Variants in TMPRSS11E observed in about 807,000 individuals in gnomAD.
TMPRSS11E encodes the protein transmembrane serine protease 11E.
A neutral mutation model predicts 48.1 loss-of-function variants in TMPRSS11E; 38 were observed. That is an observed-to-expected ratio of 0.79 (90% CI 0.61 to 1.04). The LOEUF is 1.04. TMPRSS11E is among the 50% of genes least tolerant of loss of function. TMPRSS11E has a pLI of 0.00. For synonymous variants in TMPRSS11E, 158 were observed against 171.9 expected (o/e 0.92, Z 0.63); for missense variants, 530 against 510.8 (o/e 1.04, Z -0.36).
At chr4:68,461,738 A>T in intron 1 of TMPRSS11E, 83 bp from the exon 2 acceptor site, 1 of 1,592,018 alleles carries the variant, frequency 6.3e-7, no homozygotes, top group South Asian at 1.2e-5. Context: ...AATGTCCTTT[A>T]TTCCCCCAAA....
chr4:68,475,396 C>T (rs1177076351), intron 6 of TMPRSS11E, among the ~76,000 whole-genome samples: 3 of 152,080 alleles, frequency 2.0e-5, no homozygotes, highest in Non-Finnish European at 2.9e-5. Context: ...TTGCACATTA[C>T]ATTTCTCTTA....
intron 1 of TMPRSS11E, 137 bp downstream of exon 1, chr4:68,447,660 A>C: frequency 1.4e-6 from 1 of 696,358 alleles, no homozygotes; most frequent in Non-Finnish European, 2.3e-6. Flanking sequence ...GAGATTTTAC[A>C]TAAAATTATG....
At chr4:68,490,198 T>C (rs928299575) in intron 9 of TMPRSS11E, among the ~76,000 whole-genome samples, 3 of 152,126 alleles carry the variant, frequency 2.0e-5, no homozygotes, top group African/African-American at 4.8e-5. Flanking sequence ...GGGTCTGCAT[T>C]CTCCTTCCAT....
intron 9 of TMPRSS11E, among the ~76,000 whole-genome samples, chr4:68,485,607 T>C (rs1219546109): frequency 6.6e-6 from 1 of 152,176 alleles, no homozygotes; most frequent in Non-Finnish European, 1.5e-5. Context: ...GTCCTGAAGT[T>C]TTCTCTTTTT....
At chr4:68,477,259 A>C in intron 7 of TMPRSS11E, 110 bp from the exon 8 acceptor site, 1 of 1,149,438 alleles carries the variant, frequency 8.7e-7, no homozygotes, top group Non-Finnish European at 1.2e-6. Context: ...TATACATCAA[A>C]ACTATAAAAA....
rs765499254 is a variant in TMPRSS11E at position 68,476,101 on chromosome 4, T to G, written c.530-160T>G. ...ACAAAATGAACAGGAGTTAGCTAAA[T>G]AAAACACTACAGTTTACAGAAAGGT... On this transcript the variant is annotated intron_variant, in intron 6 of 9. Coordinates refer to ENST00000305363, the MANE Select transcript of TMPRSS11E (RefSeq NM_014058.4). Among the ~76,000 whole-genome samples the G allele has an allele frequency of 2.6e-5, 4 of 152,170 alleles. No homozygotes were observed. The South Asian group carries it at 8.3e-4, about 31-fold the overall frequency.
At chr4:68,452,677 G>T (rs907841787) in intron 1 of TMPRSS11E, among the ~76,000 whole-genome samples, 1 of 151,734 alleles carries the variant, frequency 6.6e-6, no homozygotes, top group Non-Finnish European at 1.5e-5. Flanking sequence ...AACTTACCTT[G>T]GCTTTCAAAA....
intron 2 of TMPRSS11E, among the ~76,000 whole-genome samples, chr4:68,462,414 TA>T (rs34825904): frequency 0.32 from 38,909 of 120,828 alleles, 5,600 homozygotes; most frequent in African/African-American, 0.37. Flanking sequence ...CCGTGTCTAC[TA>T]AAAAAAAAAA....
chr4:68,492,097 A>G (rs571385107), intron 9 of TMPRSS11E, among the ~76,000 whole-genome samples: 1 of 152,310 alleles, frequency 6.6e-6, no homozygotes, highest in South Asian at 2.1e-4. Context: ...CTGGAGGAAC[A>G]CACGGAACAA....
chr4:68,455,656 G>A (rs1728609603), intron 1 of TMPRSS11E, among the ~76,000 whole-genome samples: 1 of 151,872 alleles, frequency 6.6e-6, no homozygotes, highest in Admixed American at 6.6e-5. Context: ...CTCTAGCTCA[G>A]GTTTCTCAAT....
chr4:68,456,469 AC>A (rs1467953254), intron 1 of TMPRSS11E, among the ~76,000 whole-genome samples: 6 of 152,038 alleles, frequency 3.9e-5, no homozygotes, highest in African/African-American at 1.4e-4. Context: ...TTTTAAAAAA[AC>A]AGCAATGAAA....
rs765709675 is a variant in TMPRSS11E, at chr4:68,452,398, C to T, written c.11+4875C>T. 5.9e-5 allele frequency among the ~76,000 whole-genome samples: 9 copies of T among 151,894 alleles called. No homozygotes were observed. In the South Asian group the frequency reaches 6.2e-4, roughly 10 times the overall value. ...TCGTAACAATAAAAATATTATTTGA[C>T]GTAAATATGCTACATATGTAATTTC... On this transcript the variant is annotated intron_variant, in intron 1 of 9. Coordinates refer to ENST00000305363, the MANE Select transcript of TMPRSS11E (RefSeq NM_014058.4).
At chr4:68,487,710 T>C (rs1729598610) in intron 9 of TMPRSS11E, among the ~76,000 whole-genome samples, 1 of 151,986 alleles carries the variant, frequency 6.6e-6, no homozygotes, top group Admixed American at 6.6e-5. Flanking sequence ...AAATTCTTGA[T>C]TGGAATTTTT....
intron 9 of TMPRSS11E, among the ~76,000 whole-genome samples, chr4:68,482,474 C>T (rs1050678006): frequency 1.3e-5 from 2 of 151,888 alleles, no homozygotes; most frequent in Non-Finnish European, 2.9e-5. Context: ...TCAAAGTTGG[C>T]CAGATGCAGT....
intron 6 of TMPRSS11E, among the ~76,000 whole-genome samples, chr4:68,475,768 A>G (rs892325591): frequency 1.3e-5 from 2 of 152,188 alleles, no homozygotes; most frequent in African/African-American, 4.8e-5. Flanking sequence ...ACTGGCATCT[A>G]TAGTGGATCT....
At chr4:68,492,694 C>T (rs778951203) in intron 9 of TMPRSS11E, among the ~76,000 whole-genome samples, 2 of 152,084 alleles carry the variant, frequency 1.3e-5, no homozygotes, top group African/African-American at 4.8e-5. Context: ...GAAACACACA[C>T]GAAATCTGTT....
intron 9 of TMPRSS11E, among the ~76,000 whole-genome samples, chr4:68,484,532 T>C (rs1729498260): frequency 6.6e-6 from 1 of 152,162 alleles, no homozygotes; most frequent in Admixed American, 6.5e-5. Context: ...GGTCTTGAAC[T>C]CCTGAGCTCA....
chr4:68,487,120 A>T (rs369787590), intron 9 of TMPRSS11E, among the ~76,000 whole-genome samples: 3 of 152,132 alleles, frequency 2.0e-5, no homozygotes, highest in Non-Finnish European at 4.4e-5. Context: ...GCCTGTTTAT[A>T]TTCAAGTTAT....
chr4:68,466,576 T>G (rs1424439471), intron 2 of TMPRSS11E, 55 bp from the exon 3 acceptor site: 80 of 1,588,580 alleles, frequency 5.0e-5, no homozygotes, highest in Middle Eastern at 1.7e-4. Flanking sequence ...GATATAATGA[T>G]GCTTTACACA....
Sources: gnomAD v4.1 joint callset for allele counts (sites outside exome capture counted in the v4.1 genomes callset) on GRCh38, gnomAD v4.1.1 for gene constraint, MANE v1.5 for transcripts, NCBI Gene and HGNC (gene_info 2026-07-23, HGNC 2026-07-21) for gene names.